CSMD2: variants seen among roughly 807,000 people sequenced by gnomAD.
CSMD2 encodes CUB and Sushi multiple domains 2, also known as CUB and sushi domain-containing protein 2.
Under a neutral mutation model 398.5 loss-of-function variants are expected in CSMD2, and 130 were observed. The observed-to-expected ratio is 0.33, with a 90% CI of 0.28 to 0.38. The LOEUF is 0.38. Among genes scored for constraint, CSMD2 ranks in the 10% least tolerant of loss-of-function variants. The probability of loss-of-function intolerance (pLI) is 1.00; values close to 1 mark genes in which losing one functional copy is unlikely to be tolerated. For missense variants in CSMD2, 3,829 were observed against 4,764.9 expected, an observed-to-expected ratio of 0.80 and a Z score of 5.78; for synonymous variants, 1,828 against 1,908.5, an observed-to-expected ratio of 0.96 and a Z score of 1.10.
At chr1:33,909,063 G>A (rs776495396) in intron 5 of CSMD2, among the ~76,000 whole-genome samples, 8 of 152,308 alleles carry the variant, frequency 5.3e-5, no homozygotes, top group African/African-American at 1.9e-4. Flanking sequence ...GGCCTTATTC[G>A]CTTACCAGCT....
At chr1:33,654,375 G>C (rs1414886445) in intron 27 of CSMD2, among the ~76,000 whole-genome samples, 2 of 152,146 alleles carry the variant, frequency 1.3e-5, no homozygotes, top group East Asian at 3.9e-4. Context: ...CATGGGACTG[G>C]CTCCAAAGTC....
At chr1:33,745,813 C>A (rs1234965946) in intron 13 of CSMD2, among the ~76,000 whole-genome samples, 1 of 152,046 alleles carries the variant, frequency 6.6e-6, no homozygotes, top group Non-Finnish European at 1.5e-5. Context: ...TAGTTAATGG[C>A]AATTATTATT....
In CSMD2 at chr1:33,743,520, C is replaced by T; in HGVS notation, c.1933G>A (p.Val645Ile). 1 of 1,614,040 alleles carries T rather than the reference C, an allele frequency of 6.2e-7. No individual in the cohort carries two copies. The highest frequency in any genetic ancestry group is 8.5e-7 in the Non-Finnish European group (1 of 1,180,034). ...TCAGGCCTGGCCAGGATGAGCCAGA[C>T]ACAGTGGAGGTGGTTGCCATAGTCC... ...PEDYGNHLHC[V>I]WLILARPESR... The change falls in exon 14 of 71, where the codon GTC becomes ATC. Residue 645 changes from valine (V) to isoleucine (I), a missense_variant. Physicochemically the swap from Val to Ile is conservative, Grantham distance 29. Around this residue, in one of 5 missense-constraint regions of CSMD2, gnomAD observed 2,001 missense variants for 2,567.1 expected, o/e 0.78. Transcript: ENST00000373381.
chr1:34,140,197 G>C (rs954622854), intron 1 of CSMD2, among the ~76,000 whole-genome samples: 1 of 152,036 alleles, frequency 6.6e-6, no homozygotes, highest in Non-Finnish European at 1.5e-5. Context: ...TTTAGACTGC[G>C]GGGGCAGGGG....
chr1:33,532,840 A>G (rs547523429), intron 64 of CSMD2, among the ~76,000 whole-genome samples: 2 of 152,366 alleles, frequency 1.3e-5, no homozygotes, highest in South Asian at 4.1e-4. Context: ...CAGCCCAGGC[A>G]AAAGGGGCAA....
chr1:33,533,290 G>T lies in CSMD2; in HGVS notation c.9992-61C>A. The stretch of plus-strand genomic sequence containing the variant: ...GATTAGGGGCTTCAGGGGCCCTTTC[G>T]ACCATTCCCCTGTTCCTAGATAGAA... On this transcript the variant is annotated intron_variant, in intron 63 of 70. Transcript: ENST00000373381. The surrounding 1 kb of genome is among the most constrained non-coding windows in gnomAD (Gnocchi z 4.2). The T allele has an allele frequency of 1.4e-6, 2 of 1,447,574 alleles. No individual in the cohort carries two copies. Among genetic ancestry groups the T allele is most frequent in the South Asian group, 1.2e-5 (1 of 84,520 alleles). 89.7% of individuals were successfully genotyped at this position (1,447,574 alleles called of 1,614,324 possible).
At chr1:33,582,151 C>T (rs1208478905) in intron 47 of CSMD2, among the ~76,000 whole-genome samples, 1 of 152,116 alleles carries the variant, frequency 6.6e-6, no homozygotes, top group Non-Finnish European at 1.5e-5. Flanking sequence ...AGACACTGGG[C>T]TCCCTAGCAG....
chr1:33,520,977 C>A (rs1654222308), intron 68 of CSMD2, among the ~76,000 whole-genome samples: 1 of 152,198 alleles, frequency 6.6e-6, no homozygotes, highest in Admixed American at 6.5e-5. Flanking sequence ...GGTAAAGAGG[C>A]CAGGGAAGGA....
chr1:33,663,173 C>T lies in CSMD2; in HGVS notation c.4053-81G>A, dbSNP rs567781077. 193 of 1,189,966 alleles carry T rather than the reference C, an allele frequency of 1.6e-4. 1 individual carries two copies. Among genetic ancestry groups the T allele is most frequent in the Middle Eastern group, 4.2e-4 (2 of 4,742 alleles). 73.7% of individuals were successfully genotyped at this position (1,189,966 alleles called of 1,614,324 possible). A position where few individuals can be genotyped will look rare whatever the true frequency, so the allele number is the denominator to read the frequency against. On this transcript the variant is annotated intron_variant, in intron 25 of 70. Transcript: ENST00000373381. ...TTCTGGTCAGAAGGTCCTAAACCTA[C>T]GAAGACTGGCCCTAAACCTACAAAG... is the stretch of plus-strand genomic sequence containing the variant.
At chr1:33,906,063 T>C (rs1425277248) in intron 5 of CSMD2, among the ~76,000 whole-genome samples, 5 of 152,216 alleles carry the variant, frequency 3.3e-5, no homozygotes, top group Middle Eastern at 3.2e-3. Context: ...GGTTAGAATA[T>C]GGTGCAACCC....
At chr1:34,019,582 G>A (rs1032877961) in intron 3 of CSMD2, among the ~76,000 whole-genome samples, 5 of 152,176 alleles carry the variant, frequency 3.3e-5, no homozygotes, top group African/African-American at 1.2e-4. Flanking sequence ...TGCTGGTGAA[G>A]GTTCAGAAAC....
intron 13 of CSMD2, among the ~76,000 whole-genome samples, chr1:33,769,585 G>T (rs1223491078): frequency 6.6e-6 from 1 of 152,156 alleles, no homozygotes; most frequent in African/African-American, 2.4e-5. Context: ...CAGCTCAAAA[G>T]CCAACAAAAT....
In CSMD2 at chr1:33,812,027, C is replaced by A. The variant is rs1014892814; in HGVS notation, c.1325-1163G>T. On this transcript the variant is annotated intron_variant, in intron 9 of 70. Transcript: ENST00000373381. ...TGGAAAGGGCCATGATAAACCTTTC[C>A]CAGGACACCCTTCCTAGGAGGGTCT... 2.6e-5 allele frequency among the ~76,000 whole-genome samples: 4 copies of A among 152,118 alleles called. No homozygotes were observed. In the East Asian group the frequency reaches 7.7e-4, roughly 29 times the overall value.
At chr1:33,809,821 T>C (rs1417712774) in intron 10 of CSMD2, among the ~76,000 whole-genome samples, 1 of 151,998 alleles carries the variant, frequency 6.6e-6, no homozygotes, top group East Asian at 1.9e-4. Flanking sequence ...GTTGCTAATA[T>C]AAAAATCAAA....
At chr1:33,776,157 G>C (rs761021644) in intron 12 of CSMD2, among the ~76,000 whole-genome samples, 5 of 152,172 alleles carry the variant, frequency 3.3e-5, no homozygotes, top group Non-Finnish European at 7.3e-5. Flanking sequence ...TGACCATATT[G>C]AAATGCTAGA....
At chr1:34,038,779 G>A (rs542700147) in intron 2 of CSMD2, among the ~76,000 whole-genome samples, 17 of 152,284 alleles carry the variant, frequency 1.1e-4, no homozygotes, top group Admixed American at 5.2e-4. Context: ...TTAATTTCCT[G>A]TAGGGAATTT....
chr1:33,537,335 G>A lies in CSMD2; in HGVS notation c.9805+101C>T. The A allele has an allele frequency of 7.6e-7, 1 of 1,322,840 alleles. No individual in the cohort carries two copies. The highest frequency in any genetic ancestry group is 1.1e-6 in the Non-Finnish European group (1 of 950,316). 81.9% of individuals were successfully genotyped at this position (1,322,840 alleles called of 1,614,324 possible). On this transcript the variant is annotated intron_variant, in intron 61 of 70. Transcript: ENST00000373381. The surrounding 1 kb of genome is among the most constrained non-coding windows in gnomAD (Gnocchi z 4.6). Reference sequence around the variant, plus strand: ...GGATGAGATGTTCCCTTTTGCAGATGAGACCACTGAAGACAGGGAAGGAAA... The same window carrying A: ...GGATGAGATGTTCCCTTTTGCAGATAAGACCACTGAAGACAGGGAAGGAAA...
chr1:33,987,365 G>A (rs1208878973), intron 3 of CSMD2, among the ~76,000 whole-genome samples: 1 of 152,066 alleles, frequency 6.6e-6, no homozygotes, highest in Non-Finnish European at 1.5e-5. Context: ...TACCCCAGAA[G>A]GTAAATTTAT....
intron 1 of CSMD2, among the ~76,000 whole-genome samples, chr1:34,115,402 A>G (rs1193569233): frequency 1.3e-5 from 2 of 152,180 alleles, no homozygotes; most frequent in Admixed American, 6.5e-5. Flanking sequence ...CAGATTTCTC[A>G]GCATAAACAT....
Sources: gnomAD v4.1 joint callset for allele counts (sites outside exome capture counted in the v4.1 genomes callset) on GRCh38, gnomAD v4.1.1 for gene constraint, gnomAD v4.1.1 regional missense constraint, Gnocchi (gnomAD v3.1) non-coding constraint, MANE v1.5 for transcripts, NCBI Gene and HGNC (gene_info 2026-07-23, HGNC 2026-07-21) for gene names.